Variants in KRT6A observed in about 807,000 individuals in gnomAD.
KRT6A encodes the protein keratin, type II cytoskeletal 6A.
Under a neutral mutation model 48.6 loss-of-function variants are expected in KRT6A, and 28 were observed. That is an observed-to-expected ratio of 0.58 (90% CI 0.43 to 0.79). The LOEUF is 0.79. Among genes scored for constraint, KRT6A ranks in the 30% least tolerant of loss-of-function variants. KRT6A has a pLI of 0.00. For synonymous variants in KRT6A, 301 were observed against 294.2 expected (o/e 1.02, Z -0.24); for missense variants, 687 against 724.3 (o/e 0.95, Z 0.59).
intron 1 of KRT6A, among the ~76,000 whole-genome samples, chr12:52,492,156 C>T (rs1938278891): frequency 6.6e-6 from 1 of 152,236 alleles, no homozygotes; most frequent in South Asian, 2.1e-4. Flanking sequence ...TTGTGCAAGT[C>T]TCTCCTCTAA....
At chr12:52,489,525 A>G (rs1220363630) in intron 6 of KRT6A, among the ~76,000 whole-genome samples, 1 of 152,044 alleles carries the variant, frequency 6.6e-6, no homozygotes, top group Non-Finnish European at 1.5e-5. Context: ...ATGATCCACT[A>G]GCCTCAGCCT....
rs2120412906 is a variant in KRT6A, at chr12:52,493,094, C to G, written c.95G>C (p.Gly32Ala). The G allele has an allele frequency of 6.2e-7, 1 of 1,613,914 alleles. No homozygotes were observed. The highest frequency in any genetic ancestry group is 8.5e-7 in the Non-Finnish European group (1 of 1,180,040). The stretch of plus-strand genomic sequence containing the variant: ...GCGGGACACGGAGACGCTGCTGAAG[C>G]CAGAGCGGCTGACCCCAGGGAGCCT... ...SARLPGVSRS[G>A]FSSVSVSRSR... is the part of the protein sequence containing the mutation. The change falls in exon 1 of 9, where the codon GGC (glycine) becomes GCC (alanine). Residue 32 changes from glycine (G) to alanine (A), a missense_variant. Gly to Ala is a moderately conservative substitution (Grantham distance 60). Around this residue, in one of 3 missense-constraint regions of KRT6A, gnomAD observed 72 missense variants for 61.8 expected, o/e 1.17. Transcript: ENST00000330722.
At position 52,491,628 on chromosome 12, in the gene KRT6A, A is replaced by G. The variant is rs1938267739; in HGVS notation, c.649T>C (p.Tyr217His). Residue 217 changes from tyrosine to histidine, a missense_variant, in exon 2 of 9, where the codon TAC (tyrosine) becomes CAC (histidine). This residue lies in a region of KRT6A where 566 missense variants were observed against 565.3 expected (regional missense o/e 1.00). Coordinates refer to ENST00000330722, the MANE Select transcript of KRT6A (RefSeq NM_005554.4). ...AGCTGCCTCCTGAGGTTGTTGATGT[A>G]CTGCTCGAACAACGGCTCCAGGTTC... is the stretch of plus-strand genomic sequence containing the variant. ...RQNLEPLFEQYINNLRRQLDS... is the reference protein window; with the variant it reads ...RQNLEPLFEQHINNLRRQLDS... 6.2e-7 allele frequency: 1 copy of G among 1,614,012 alleles called. No individual in the cohort carries two copies. Among genetic ancestry groups the G allele is most frequent in the South Asian group, 1.1e-5 (1 of 91,082 alleles).
At chr12:52,488,966 G>C (rs956006684) in intron 6 of KRT6A, among the ~76,000 whole-genome samples, 12 of 152,172 alleles carry the variant, frequency 7.9e-5, no homozygotes, top group Admixed American at 3.9e-4. Context: ...TGAGACTGCT[G>C]AGACCTTGCC....
chr12:52,492,317 G>A (rs572014113), intron 1 of KRT6A, among the ~76,000 whole-genome samples: 1 of 152,208 alleles, frequency 6.6e-6, no homozygotes, highest in Non-Finnish European at 1.5e-5. Flanking sequence ...AGACCCCAGA[G>A]TGTAATTTAC....
intron 6 of KRT6A, among the ~76,000 whole-genome samples, chr12:52,489,272 GTTTTT>G (rs869127024): frequency 2.9e-5 from 3 of 103,116 alleles, no homozygotes; most frequent in African/African-American, 9.9e-5. Context: ...CATTATGAGG[GTTTTT>G]TCTTTTTCTT....
rs1205645464 is a variant in KRT6A, at chr12:52,488,486, A to G, written c.1266T>C (p.Asp422=). The change falls in exon 7 of 9, where the codon GAT becomes GAC. Residue 422 remains aspartate (D), a synonymous_variant. Coordinates refer to ENST00000330722, the MANE Select transcript of KRT6A (RefSeq NM_005554.4). ...CCAGCCCTTCCAGCTTGTTCTTGGC[A>G]TCCTTGAGGGCCATCTCCCCACGCT... ...AEQRGEMALK[D]AKNKLEGLED... is the part of the protein sequence containing the mutation. 2 of 1,614,110 alleles carry G rather than the reference A, an allele frequency of 1.2e-6. No homozygotes were observed. Among genetic ancestry groups the G allele is most frequent in the South Asian group, 1.1e-5 (1 of 91,070 alleles).
In KRT6A at chr12:52,490,669, C is replaced by A. The variant is rs753948082; in HGVS notation, c.977G>T (p.Arg326Leu). Residue 326 changes from arginine (R) to leucine (L), a missense_variant, in exon 5 of 9, where the codon CGC (arginine) becomes CTC (leucine). Around this residue, in one of 3 missense-constraint regions of KRT6A, gnomAD observed 566 missense variants for 565.3 expected, o/e 1.00. Transcript: ENST00000330722. ...TSVVLSMDNN[R>L]NLDLDSIIAE... is the part of the protein sequence containing the mutation. ...GATGATGCTGTCCAGGTCCAGGTTG[C>A]GGTTGTTGTCCATGGACAGCACCAC... 6.2e-7 allele frequency: 1 copy of A among 1,614,190 alleles called. No individual in the cohort carries two copies. The highest frequency in any genetic ancestry group is 1.7e-5 in the Admixed American group (1 of 60,020).
In KRT6A at chr12:52,488,426, G is replaced by A. The variant is rs555046513; in HGVS notation, c.1326C>T (p.Ala442=). 33 of 1,614,110 alleles carry A rather than the reference G, an allele frequency of 2.0e-5. No homozygotes were observed. The East Asian group carries it at 6.9e-4, about 34-fold the overall frequency. The part of the protein sequence containing the change: ...DALQKAKQDL[A]RLLKEYQELM... ...GCTCCTGGTACTCCTTCAGCAGCCGGGCCAGGTCCTGCTTGGCCTTCTGCA... is the reference window on the plus strand; with the variant it reads ...GCTCCTGGTACTCCTTCAGCAGCCGAGCCAGGTCCTGCTTGGCCTTCTGCA... Residue 442 remains alanine (A), a synonymous_variant, in exon 7 of 9, where the codon GCC becomes GCT. Coordinates refer to ENST00000330722, the MANE Select transcript of KRT6A (RefSeq NM_005554.4).
chr12:52,492,556 C>T (rs1322349609), intron 1 of KRT6A, 93 bp downstream of exon 1: 21 of 1,608,182 alleles, frequency 1.3e-5, no homozygotes, highest in Middle Eastern at 2.0e-4. Context: ...GAGTCCTCTT[C>T]TCCCTCCCTC....
chr12:52,492,139 T>A (rs1393450513), intron 1 of KRT6A, among the ~76,000 whole-genome samples: 2 of 152,238 alleles, frequency 1.3e-5, no homozygotes, highest in Non-Finnish European at 2.9e-5. Flanking sequence ...CCCGTCTTAT[T>A]TCCCATTTGT....
In KRT6A at chr12:52,487,828, G is replaced by A. The variant is rs1369032324; in HGVS notation, c.1587C>T (p.Ser529=). Residue 529 remains serine, a synonymous_variant, in exon 9 of 9, where the codon TCC becomes TCT. Coordinates refer to ENST00000330722, the MANE Select transcript of KRT6A (RefSeq NM_005554.4). ...CACCCCCAATGGCTCTGCCACTGCT[G>A]GAACTGAAGCCACCTCCAACGCCAA... ...SGLGVGGGFS[S]SSGRAIGGGL... is the part of the protein sequence containing the mutation. 6.2e-7 allele frequency: 1 copy of A among 1,614,052 alleles called. No individual in the cohort carries two copies. Among genetic ancestry groups the A allele is most frequent in the Non-Finnish European group, 8.5e-7 (1 of 1,179,914 alleles).
In KRT6A at chr12:52,487,452, G is replaced by A. The variant is rs1938162936; in HGVS notation, c.*268C>T. On this transcript the variant is annotated 3_prime_UTR_variant, in exon 9 of 9. Coordinates refer to ENST00000330722, the MANE Select transcript of KRT6A (RefSeq NM_005554.4). Reference sequence around the variant, plus strand: ...TCAGCCTCAGAGATAGAACACTGGAGGCAAGAAATTAATAATTTAGTAACA... The same window carrying A: ...TCAGCCTCAGAGATAGAACACTGGAAGCAAGAAATTAATAATTTAGTAACA... The A allele has an allele frequency of 1.9e-6, 1 of 540,366 alleles. No individual in the cohort carries two copies. The highest frequency in any genetic ancestry group is 2.2e-5 in the South Asian group (1 of 44,842). 33.5% of individuals were successfully genotyped at this position (540,366 alleles called of 1,614,324 possible).
rs772929769 is a variant in KRT6A at position 52,488,473 on chromosome 12, G to A, written c.1279C>T (p.Leu427=). 7 of 1,614,024 alleles carry A rather than the reference G, an allele frequency of 4.3e-6. No individual in the cohort carries two copies. In the Admixed American group the frequency reaches 1.0e-4, roughly 23 times the overall value. ...TGCAGGGCATCCTCCAGCCCTTCCA[G>A]CTTGTTCTTGGCATCCTTGAGGGCC... The part of the protein sequence containing the change: ...EMALKDAKNK[L]EGLEDALQKA... Residue 427 remains leucine, a synonymous_variant, in exon 7 of 9, where the codon CTG becomes TTG. Transcript: ENST00000330722.
intron 1 of KRT6A, among the ~76,000 whole-genome samples, chr12:52,492,296 T>C (rs1200051902): frequency 2.6e-5 from 4 of 152,246 alleles, no homozygotes; most frequent in African/African-American, 9.6e-5. Flanking sequence ...CAATATTTTT[T>C]CCTCTTATCC....
chr12:52,491,273 T>C (rs185060465), intron 2 of KRT6A, 101 bp from the exon 3 acceptor site: 16 of 1,605,346 alleles, frequency 1.0e-5, no homozygotes, highest in South Asian at 3.3e-5. Context: ...TATATTCTAA[T>C]TGGGCTTTCC....
rs771272231 is a variant in KRT6A, at chr12:52,493,043, C to T, written c.146G>A (p.Gly49Asp). The change falls in exon 1 of 9, where the codon GGT (glycine) becomes GAT (aspartate). Residue 49 changes from glycine (G) to aspartate (D), a missense_variant. Coordinates refer to ENST00000330722, the MANE Select transcript of KRT6A (RefSeq NM_005554.4). ...SRSRGSGGLG[G>D]ACGGAGFGSR... ...GCCAAAGCCAGCTCCTCCACATGCA[C>T]CACCCAGGCCACCACTGCCCCTGGA... 5 of 1,612,442 alleles carry T rather than the reference C, an allele frequency of 3.1e-6. No homozygotes were observed. The Admixed American group carries it at 8.3e-5, about 27-fold the overall frequency.
chr12:52,488,038 G>A, intron 8 of KRT6A, 31 bp downstream of exon 8: 2 of 1,614,144 alleles, frequency 1.2e-6, no homozygotes, highest in Non-Finnish European at 1.7e-6. Flanking sequence ...GAGTGCGAGG[G>A]CAGGGGAGGA....
intron 6 of KRT6A, 30 bp from the exon 7 acceptor site, chr12:52,488,578 G>A: frequency 6.2e-7 from 1 of 1,613,258 alleles, no homozygotes; most frequent in Non-Finnish European, 8.5e-7. Context: ...GAAGAAACTT[G>A]TCATCCGGTC....
Sources: gnomAD v4.1 joint callset for allele counts (sites outside exome capture counted in the v4.1 genomes callset) on GRCh38, gnomAD v4.1.1 for gene constraint, gnomAD v4.1.1 regional missense constraint, MANE v1.5 for transcripts, NCBI Gene and HGNC (gene_info 2026-07-23, HGNC 2026-07-21) for gene names.